RBFOX1: variants seen among roughly 807,000 people sequenced by gnomAD.
RBFOX1 encodes the protein RNA binding protein fox-1 homolog 1.
RBFOX1 carries 8 observed loss-of-function variants against 57.7 expected under a neutral mutation model. The ratio of observed to expected loss-of-function variants is 0.14; its 90% CI spans 0.08 to 0.25. The LOEUF (loss-of-function observed/expected upper bound fraction) is 0.25, where lower values mean the gene tolerates loss of function less well. RBFOX1 is among the 10% of genes least tolerant of loss of function. The pLI is 1.00. For synonymous variants in RBFOX1, 326 were observed against 222.4 expected, an observed-to-expected ratio of 1.47 and a Z score of -4.15; for missense variants, 611 against 548.5, an observed-to-expected ratio of 1.11 and a Z score of -1.14.
intron 2 of RBFOX1, among the ~76,000 whole-genome samples, chr16:6,409,512 A>G (rs1366268043): frequency 6.6e-6 from 1 of 152,238 alleles, no homozygotes; most frequent in East Asian, 1.9e-4. Context: ...TTTGAGTGTT[A>G]ATTACATGAG....
chr16:5,719,020 T>C (rs2051828033), intron 3 of RBFOX1, among the ~76,000 whole-genome samples: 1 of 151,880 alleles, frequency 6.6e-6, no homozygotes, highest in Admixed American at 6.6e-5. Context: ...TCTGTAAGGA[T>C]TGACTGAGAT....
At chr16:6,887,824 G>A (rs1433358291) in intron 3 of RBFOX1, among the ~76,000 whole-genome samples, 1 of 151,928 alleles carries the variant, frequency 6.6e-6, no homozygotes, top group Non-Finnish European at 1.5e-5. Flanking sequence ...CACCACACCT[G>A]GCTAATTTTT....
intron 1 of RBFOX1, among the ~76,000 whole-genome samples, chr16:6,241,445 G>T (rs1446609522): frequency 1.3e-5 from 2 of 151,276 alleles, no homozygotes; most frequent in Admixed American, 1.3e-4. Flanking sequence ...TGCCAAGTCT[G>T]AAAGCTATAA....
At chr16:5,972,345 C>T (rs889139163) in intron 4 of RBFOX1, among the ~76,000 whole-genome samples, 1 of 152,170 alleles carries the variant, frequency 6.6e-6, no homozygotes, top group Non-Finnish European at 1.5e-5. Context: ...ATCAGCTTTA[C>T]AGCTAGACAG....
chr16:6,993,900 C>T (rs1216016137), intron 3 of RBFOX1, among the ~76,000 whole-genome samples: 1 of 152,150 alleles, frequency 6.6e-6, no homozygotes, highest in Non-Finnish European at 1.5e-5. Flanking sequence ...ATTAATGTAT[C>T]TCATATTGTA....
intron 2 of RBFOX1, among the ~76,000 whole-genome samples, chr16:6,592,029 A>G (rs2097718303): frequency 6.6e-6 from 1 of 152,220 alleles, no homozygotes; most frequent in Admixed American, 6.5e-5. Context: ...TTGTAAATAT[A>G]AAACTTAACA....
At chr16:6,897,156 C>G (rs1039311284) in intron 3 of RBFOX1, among the ~76,000 whole-genome samples, 6 of 152,192 alleles carry the variant, frequency 3.9e-5, no homozygotes, top group Non-Finnish European at 7.3e-5. Flanking sequence ...CCCAAGCTGA[C>G]ACAGCGGCTG....
At chr16:6,889,951 C>T (rs543599785) in intron 3 of RBFOX1, among the ~76,000 whole-genome samples, 54 of 152,276 alleles carry the variant, frequency 3.5e-4, no homozygotes, top group African/African-American at 1.3e-3. Flanking sequence ...TCAGTGGTTA[C>T]CTGTGATAAC....
At chr16:6,579,010 A>G (rs190777887) in intron 2 of RBFOX1, among the ~76,000 whole-genome samples, 128 of 152,224 alleles carry the variant, frequency 8.4e-4, no homozygotes, top group African/African-American at 2.8e-3. Flanking sequence ...TTATGTAACC[A>G]AACACCACCT....
At chr16:5,910,648 G>A (rs1427846037) in intron 4 of RBFOX1, among the ~76,000 whole-genome samples, 1 of 152,218 alleles carries the variant, frequency 6.6e-6, no homozygotes, top group East Asian at 1.9e-4. Flanking sequence ...CCTAGGAGGT[G>A]AGGGTTTCTC....
intron 4 of RBFOX1, among the ~76,000 whole-genome samples, chr16:7,476,988 C>G (rs2062853040): frequency 6.6e-6 from 1 of 152,168 alleles, no homozygotes; most frequent in South Asian, 2.1e-4. Context: ...GGAGTCCTAG[C>G]TCTCCTTTCC....
intron 3 of RBFOX1, among the ~76,000 whole-genome samples, chr16:7,027,587 G>A (rs1195509508): frequency 6.6e-6 from 1 of 151,992 alleles, no homozygotes; most frequent in Non-Finnish European, 1.5e-5. Context: ...AATGTACTTA[G>A]AAATACCCAG....
chr16:7,568,322 G>A (rs1376360846), intron 5 of RBFOX1, among the ~76,000 whole-genome samples: 2 of 152,320 alleles, frequency 1.3e-5, no homozygotes, highest in African/African-American at 4.8e-5. Flanking sequence ...GCAATTCCCA[G>A]AACTTAGGGT....
At position 6,651,961 on chromosome 16, in the gene RBFOX1, G is replaced by C. The variant is rs111566666; in HGVS notation, c.-63-2642G>C. Among the ~76,000 whole-genome samples the C allele has an allele frequency of 9.2e-3, 1,399 of 152,260 alleles. 21 individuals are homozygous for C. Among genetic ancestry groups the C allele is most frequent in the African/African-American group, 0.032 (1,312 of 41,542 alleles). ...ACATTATGCTAAGTGAAATAAGCCAGGCACAGAAGGACAAATGTTGTATGA... is the reference window on the plus strand; with the variant it reads ...ACATTATGCTAAGTGAAATAAGCCACGCACAGAAGGACAAATGTTGTATGA... On this transcript the variant is annotated intron_variant, in intron 2 of 15. Transcript: ENST00000550418.
At chr16:6,068,415 C>A (rs2095794723) in intron 1 of RBFOX1, among the ~76,000 whole-genome samples, 1 of 152,172 alleles carries the variant, frequency 6.6e-6, no homozygotes, top group South Asian at 2.1e-4. Flanking sequence ...GTATCAAAAG[C>A]CTACCTAGAG....
chr16:7,240,703 C>G (rs898933158), intron 4 of RBFOX1, among the ~76,000 whole-genome samples: 2 of 151,994 alleles, frequency 1.3e-5, no homozygotes, highest in Non-Finnish European at 2.9e-5. Context: ...TAGAGGCATT[C>G]ACCACCACAC....
intron 4 of RBFOX1, among the ~76,000 whole-genome samples, chr16:5,896,072 A>T (rs1256660144): frequency 6.6e-6 from 1 of 152,026 alleles, no homozygotes; most frequent in Non-Finnish European, 1.5e-5. Context: ...TAGGAGATTT[A>T]TTGGGGAAGT....
At chr16:5,931,440 G>C (rs943327538) in intron 4 of RBFOX1, among the ~76,000 whole-genome samples, 24 of 152,186 alleles carry the variant, frequency 1.6e-4, no homozygotes, top group Middle Eastern at 6.3e-3. Context: ...AAGTTTGACA[G>C]GAGAGGAAGA....
chr16:5,327,657 T>A (rs2064620843), intron 1 of RBFOX1, among the ~76,000 whole-genome samples: 1 of 152,140 alleles, frequency 6.6e-6, no homozygotes, highest in Admixed American at 6.5e-5. Flanking sequence ...GGGCCAGAGC[T>A]TCCTAACTTT....
Sources: gnomAD v4.1 joint callset for allele counts (sites outside exome capture counted in the v4.1 genomes callset) on GRCh38, gnomAD v4.1.1 for gene constraint, MANE v1.5 for transcripts, NCBI Gene and HGNC (gene_info 2026-07-23, HGNC 2026-07-21) for gene names.